ZFHX3: variants seen among roughly 807,000 people sequenced by gnomAD.
ZFHX3 encodes zinc finger homeobox protein 3.
In ZFHX3, 42 loss-of-function variants were observed where a neutral mutation model predicts 279.1. The observed-to-expected ratio is 0.15, with a 90% CI of 0.12 to 0.19. The LOEUF is 0.19. Among genes scored for constraint, ZFHX3 ranks in the 10% least tolerant of loss-of-function variants. The pLI is 1.00. For missense variants in ZFHX3, 4,981 were observed against 4,754.0 expected, an observed-to-expected ratio of 1.05 and a Z score of -1.40; for synonymous variants, 2,293 against 1,957.8, an observed-to-expected ratio of 1.17 and a Z score of -4.52.
chr16:73,452,473 G>T (rs2018294578), intron 3 of ZFHX3, among the ~76,000 whole-genome samples: 2 of 152,104 alleles, frequency 1.3e-5, no homozygotes, highest in African/African-American at 4.8e-5. Flanking sequence ...ATGCAGGCAG[G>T]CAGTCCTAGG....
chr16:73,775,563 C>T (rs1295952878), intron 1 of ZFHX3, among the ~76,000 whole-genome samples: 1 of 152,112 alleles, frequency 6.6e-6, no homozygotes, highest in Admixed American at 6.6e-5. Flanking sequence ...GTGTGCTGAG[C>T]CCCAGTTATA....
At chr16:73,562,063 A>G (rs955404798) in intron 2 of ZFHX3, among the ~76,000 whole-genome samples, 1 of 152,224 alleles carries the variant, frequency 6.6e-6, no homozygotes, top group African/African-American at 2.4e-5. Flanking sequence ...TTAGCATCCA[A>G]GTGGGATATA....
chr16:73,601,795 G>A (rs987522803), intron 2 of ZFHX3, among the ~76,000 whole-genome samples: 7 of 152,050 alleles, frequency 4.6e-5, no homozygotes, highest in Non-Finnish European at 1.0e-4. Flanking sequence ...TTAAGTGAAC[G>A]GAAAGCACGT....
At chr16:73,850,002 G>A (rs1012457124) in intron 1 of ZFHX3, among the ~76,000 whole-genome samples, 1 of 152,130 alleles carries the variant, frequency 6.6e-6, no homozygotes, top group Non-Finnish European at 1.5e-5. Context: ...CAAAGTGCTG[G>A]GATTACAGGC....
chr16:73,334,551 C>G (rs778430619), intron 3 of ZFHX3, among the ~76,000 whole-genome samples: 22 of 152,050 alleles, frequency 1.4e-4, no homozygotes, highest in Non-Finnish European at 2.6e-4. Flanking sequence ...CTGCAGCCCC[C>G]GAGGTTGGCA....
Position 72,959,488 on chromosome 16 carries a change from C to T in ZFHX3, c.658G>A (p.Ala220Thr), listed in dbSNP as rs779915209. The T allele has an allele frequency of 1.2e-6, 2 of 1,614,262 alleles. No homozygotes were observed. The highest frequency in any genetic ancestry group is 1.7e-5 in the Admixed American group (1 of 60,032). ...AGGACGGGGCTGAGCCCCGCCAGGG[C>T]TGAGGTATTCGGGAAAGCCTGGTCT... ...GPDQAFPNTS[A>T]LAGLSPVLHS... The change falls in exon 2 of 10, where the codon GCC (alanine) becomes ACC (threonine). Residue 220 changes from alanine to threonine, a missense_variant. Ala to Thr is a moderately conservative substitution (Grantham distance 58). Transcript: ENST00000268489.
At chr16:73,605,415 C>T (rs1051683358) in intron 2 of ZFHX3, among the ~76,000 whole-genome samples, 11 of 152,166 alleles carry the variant, frequency 7.2e-5, no homozygotes, top group Non-Finnish European at 1.5e-4. Context: ...AAATCAGATC[C>T]TAACGTTAAA....
intron 1 of ZFHX3, among the ~76,000 whole-genome samples, chr16:73,745,429 T>C (rs1286157387): frequency 6.6e-6 from 1 of 152,140 alleles, no homozygotes; most frequent in Non-Finnish European, 1.5e-5. Context: ...GGGCATAGAC[T>C]CCTGGGTCAG....
chr16:73,430,362 A>G (rs943020742), intron 3 of ZFHX3, among the ~76,000 whole-genome samples: 18 of 152,166 alleles, frequency 1.2e-4, no homozygotes, highest in African/African-American at 4.3e-4. Flanking sequence ...CAATATCTAA[A>G]ATTTAAATGT....
At chr16:73,476,142 T>C (rs931068984) in intron 2 of ZFHX3, among the ~76,000 whole-genome samples, 1 of 152,204 alleles carries the variant, frequency 6.6e-6, no homozygotes, top group African/African-American at 2.4e-5. Flanking sequence ...TTTTCAACAG[T>C]TGCAACTAGC....
chr16:73,594,017 A>C (rs962266836), intron 2 of ZFHX3, among the ~76,000 whole-genome samples: 1 of 152,216 alleles, frequency 6.6e-6, no homozygotes, highest in African/African-American at 2.4e-5. Flanking sequence ...CCTATTCAAC[A>C]TTATACTGGA....
At chr16:72,832,812 C>A (rs2037095931) in intron 4 of ZFHX3, among the ~76,000 whole-genome samples, 1 of 152,244 alleles carries the variant, frequency 6.6e-6, no homozygotes, top group South Asian at 2.1e-4. Context: ...CTAACCTGAG[C>A]ATGTGGAAAT....
At chr16:73,582,357 A>C (rs2051871057) in intron 2 of ZFHX3, among the ~76,000 whole-genome samples, 1 of 151,928 alleles carries the variant, frequency 6.6e-6, no homozygotes, top group South Asian at 2.1e-4. Context: ...TGATGTATTC[A>C]CTTCCATAAA....
intron 7 of ZFHX3, among the ~76,000 whole-genome samples, chr16:73,114,445 G>A (rs1340492100): frequency 6.6e-6 from 1 of 152,090 alleles, no homozygotes; most frequent in Non-Finnish European, 1.5e-5. Flanking sequence ...GGAGGCCAAG[G>A]TGAGAGGATC....
At chr16:73,538,948 C>G (rs2019959457) in intron 2 of ZFHX3, among the ~76,000 whole-genome samples, 1 of 152,056 alleles carries the variant, frequency 6.6e-6, no homozygotes. Flanking sequence ...CTCTGAGATA[C>G]CTTATTGGCA....
At chr16:73,693,606 G>A (rs1261647247) in intron 1 of ZFHX3, among the ~76,000 whole-genome samples, 2 of 152,106 alleles carry the variant, frequency 1.3e-5, no homozygotes, top group Non-Finnish European at 2.9e-5. Flanking sequence ...TAAAGGCCAC[G>A]GGAACGAGAG....
At chr16:73,523,231 A>G (rs887293772) in intron 2 of ZFHX3, among the ~76,000 whole-genome samples, 1 of 152,236 alleles carries the variant, frequency 6.6e-6, no homozygotes, top group Non-Finnish European at 1.5e-5. Context: ...TAAACGAGCA[A>G]ATAAACACAC....
At chr16:73,317,064 G>A (rs1033025195) in intron 4 of ZFHX3, among the ~76,000 whole-genome samples, 6 of 152,110 alleles carry the variant, frequency 3.9e-5, no homozygotes, top group African/African-American at 1.4e-4. Context: ...GGCAGGTCTA[G>A]GGTGATGGGA....
At chr16:73,482,577 C>G (rs2018889001) in intron 2 of ZFHX3, among the ~76,000 whole-genome samples, 1 of 152,178 alleles carries the variant, frequency 6.6e-6, no homozygotes, top group African/African-American at 2.4e-5. Context: ...TAGCCCAACA[C>G]TAATTAGTAA....
Sources: gnomAD v4.1 joint callset for allele counts (sites outside exome capture counted in the v4.1 genomes callset) on GRCh38, gnomAD v4.1.1 for gene constraint, MANE v1.5 for transcripts, NCBI Gene and HGNC (gene_info 2026-07-23, HGNC 2026-07-21) for gene names.